TFR2: variants seen among roughly 807,000 people sequenced by gnomAD.
TFR2 encodes transferrin receptor protein 2.
A neutral mutation model predicts 91.9 loss-of-function variants in TFR2; 64 were observed. The ratio of observed to expected loss-of-function variants is 0.70; its 90% CI spans 0.57 to 0.86. The LOEUF (loss-of-function observed/expected upper bound fraction) is 0.86. Among genes scored for constraint, TFR2 ranks in the 40% least tolerant of loss-of-function variants. The pLI is 0.00. For missense variants in TFR2, 950 were observed against 1,080.5 expected (o/e 0.88, Z 1.69); for synonymous variants, 454 against 459.6 (o/e 0.99, Z 0.15).
chr7:100,631,644 GTC>G (rs745449953), intron 8 of TFR2, 160 bp downstream of exon 8: 2 of 935,674 alleles, frequency 2.1e-6, no homozygotes, highest in Admixed American at 3.1e-5. Flanking sequence ...AAAGGTCAGG[GTC>G]TCTCTGTCTC....
At chr7:100,639,629 T>G (rs1803651027) in intron 3 of TFR2, among the ~76,000 whole-genome samples, 1 of 150,854 alleles carries the variant, frequency 6.6e-6, no homozygotes, top group Non-Finnish European at 1.5e-5. Context: ...AGAATCTCCA[T>G]CTCCTACTAT....
chr7:100,635,945 T>C (rs760480252), intron 3 of TFR2, among the ~76,000 whole-genome samples: 21 of 152,120 alleles, frequency 1.4e-4, no homozygotes, highest in Non-Finnish European at 2.8e-4. Flanking sequence ...GTCATAATTA[T>C]GTAGTCGTGA....
At chr7:100,639,599 A>C (rs1010598432) in intron 3 of TFR2, among the ~76,000 whole-genome samples, 3 of 151,740 alleles carry the variant, frequency 2.0e-5, no homozygotes, top group East Asian at 1.9e-4. Flanking sequence ...AAAACGTAGA[A>C]GGTATAAGCA....
chr7:100,621,245 T>C (rs1803103187), intron 17 of TFR2, 119 bp from the exon 18 acceptor site: 1 of 1,283,352 alleles, frequency 7.8e-7, no homozygotes, highest in Admixed American at 3.0e-5. Flanking sequence ...TCTTTTTGTG[T>C]TTGTTTTTTG....
chr7:100,627,325 C>T lies in TFR2; in HGVS notation c.1934G>A (p.Arg645His), dbSNP rs572997617. The change falls in exon 16 of 18, where the codon CGC becomes CAC. Residue 645 changes from arginine to histidine, a missense_variant. Transcript: ENST00000223051. Reference protein sequence around the residue: ...HDRLLPLDFGRYGDVVLRHIG... With the variant: ...HDRLLPLDFGHYGDVVLRHIG... ...GTGCCTGAGGACGACGTCCCCGTAG[C>T]GGCCGAAGTCGAGGGGCAGCAGGCG... 10 of 1,550,348 alleles carry T rather than the reference C, an allele frequency of 6.5e-6. No homozygotes were observed. The highest frequency in any genetic ancestry group is 2.0e-5 in the Admixed American group (1 of 51,004).
intron 3 of TFR2, among the ~76,000 whole-genome samples, chr7:100,634,877 A>G (rs943911034): frequency 3.3e-5 from 5 of 152,186 alleles, no homozygotes; most frequent in Non-Finnish European, 7.3e-5. Flanking sequence ...CTGAACTGCA[A>G]TCTAAATCAG....
chr7:100,641,533 G>T lies in TFR2; in HGVS notation c.-24C>A. 1 of 1,613,404 alleles carries T rather than the reference G, an allele frequency of 6.2e-7. No homozygotes were observed. The highest frequency in any genetic ancestry group is 8.5e-7 in the Non-Finnish European group (1 of 1,179,708). On this transcript the variant is annotated 5_prime_UTR_variant, in exon 1 of 18. Transcript: ENST00000223051. ...ATGCTTGTGTCCCCTCCTGAAGCCTGCAGGCTGTCCCCCAGCGATAAACCG... is the reference window on the plus strand; with the variant it reads ...ATGCTTGTGTCCCCTCCTGAAGCCTTCAGGCTGTCCCCCAGCGATAAACCG...
chr7:100,628,168 C>T (rs772672626), intron 11 of TFR2, 32 bp from the exon 12 acceptor site: 1 of 1,613,484 alleles, frequency 6.2e-7, no homozygotes, highest in South Asian at 1.1e-5. Flanking sequence ...GGAGTGGGAA[C>T]CCCCCACCCC....
At chr7:100,640,336 C>T (rs1562844874) in intron 3 of TFR2, 1 of 282,434 alleles carries the variant, frequency 3.5e-6, no homozygotes, top group Non-Finnish European at 6.7e-6. Context: ...TGCGGCTTCT[C>T]AGAACCCCTC....
At chr7:100,621,614 A>C (rs1047761092) in intron 17 of TFR2, among the ~76,000 whole-genome samples, 1 of 151,888 alleles carries the variant, frequency 6.6e-6, no homozygotes, top group Non-Finnish European at 1.5e-5. Flanking sequence ...TTCCTTCCTC[A>C]CCCATTCAGT....
chr7:100,628,123 A>C lies in TFR2; in HGVS notation c.1487T>G (p.Val496Gly). The change falls in exon 12 of 18, where the codon GTG becomes GGG. Residue 496 changes from valine to glycine, a missense_variant. Transcript: ENST00000223051. ...GTACACTACGGCTTTGAGGTGCAGC[A>C]CGCTGAGGTAGCCCTGTGGGTGGGT... is the stretch of plus-strand genomic sequence containing the variant. ...STEWLEGYLS[V>G]LHLKAVVYVS... is the part of the protein sequence containing the mutation. The C allele has an allele frequency of 6.2e-7, 1 of 1,614,082 alleles. No homozygotes were observed. Among genetic ancestry groups the C allele is most frequent in the Non-Finnish European group, 8.5e-7 (1 of 1,179,982 alleles).
chr7:100,633,250 G>A lies in TFR2; in HGVS notation c.705C>T (p.Tyr235=), dbSNP rs773981603. ...PLEDPDVYCP[Y]SAIGNVTGEL... ...TCACCGTGACGTTGCCGATGGCGCT[G>A]TAGGGGCAGTAGACGTCAGGGTCCT... The change falls in exon 5 of 18, where the codon TAC becomes TAT. Residue 235 remains tyrosine (Y), a synonymous_variant. Transcript: ENST00000223051. The A allele has an allele frequency of 1.9e-6, 3 of 1,613,738 alleles. No individual in the cohort carries two copies. Among genetic ancestry groups the A allele is most frequent in the African/African-American group, 1.3e-5 (1 of 74,924 alleles).
At chr7:100,626,527 G>T (rs1252414505) in intron 17 of TFR2, 2 of 1,374,486 alleles carry the variant, frequency 1.5e-6, no homozygotes, top group East Asian at 5.6e-5. Context: ...TAAACCAGGC[G>T]ACTGTGGCCA....
At position 100,628,264 on chromosome 7, in the gene TFR2, C is replaced by T; in HGVS notation, c.1433G>A (p.Gly478Asp). Reference protein sequence around the residue: ...RRSLLFISWDGGDFGSVGSTE... With the variant: ...RRSLLFISWDDGDFGSVGSTE... ...GGAGCCCACGCTTCCAAAGTCACCACCGTCCCAGCTGATGAAGAGGAGACT... is the reference window on the plus strand; with the variant it reads ...GGAGCCCACGCTTCCAAAGTCACCATCGTCCCAGCTGATGAAGAGGAGACT... Residue 478 changes from glycine to aspartate, a missense_variant, in exon 11 of 18, where the codon GGT becomes GAT. Coordinates refer to ENST00000223051, the MANE Select transcript of TFR2 (RefSeq NM_003227.4). 1 of 1,613,964 alleles carries T rather than the reference C, an allele frequency of 6.2e-7. No individual in the cohort carries two copies. The highest frequency in any genetic ancestry group is 8.5e-7 in the Non-Finnish European group (1 of 1,179,962).
chr7:100,637,908 C>T (rs1296639292), intron 3 of TFR2, among the ~76,000 whole-genome samples: 4 of 151,682 alleles, frequency 2.6e-5, no homozygotes, highest in African/African-American at 7.3e-5. Flanking sequence ...GTTGACTCAC[C>T]GCAACCTCCG....
intron 17 of TFR2, 160 bp downstream of exon 17, chr7:100,626,603 A>G (rs1421267641): frequency 7.6e-6 from 11 of 1,450,626 alleles, no homozygotes; most frequent in Non-Finnish European, 1.0e-5. Flanking sequence ...TGACCGATCT[A>G]TGAGCACTGC....
At position 100,626,844 on chromosome 7, in the gene TFR2, C is replaced by T. The variant is rs2131311087; in HGVS notation, c.2055G>A (p.Ala685=). ...TGTAGATCTCCTGCCGCAGCTTTTCCGCCGCCCGGATGTAGTCCCCCCGCG... is the reference window on the plus strand; with the variant it reads ...TGTAGATCTCCTGCCGCAGCTTTTCTGCCGCCCGGATGTAGTCCCCCCGCG... ...YSARGDYIRA[A]EKLRQEIYSS... The change falls in exon 17 of 18, where the codon GCG becomes GCA. Residue 685 remains alanine, a synonymous_variant. Transcript: ENST00000223051. 1 of 1,549,460 alleles carries T rather than the reference C, an allele frequency of 6.5e-7. No individual in the cohort carries two copies. The highest frequency in any genetic ancestry group is 8.7e-7 in the Non-Finnish European group (1 of 1,147,088).
At chr7:100,638,459 T>A (rs1803621863) in intron 3 of TFR2, among the ~76,000 whole-genome samples, 1 of 149,942 alleles carries the variant, frequency 6.7e-6, no homozygotes, top group Admixed American at 6.7e-5. Context: ...TAAAAAAAAT[T>A]AAAAATTAGG....
intron 9 of TFR2, 114 bp downstream of exon 9, chr7:100,630,775 A>C: frequency 1.4e-6 from 2 of 1,466,400 alleles, no homozygotes; most frequent in Non-Finnish European, 1.9e-6. Context: ...TCTGGGCACC[A>C]CTCCTGTCCC....
Sources: gnomAD v4.1 joint callset for allele counts (sites outside exome capture counted in the v4.1 genomes callset) on GRCh38, gnomAD v4.1.1 for gene constraint, MANE v1.5 for transcripts, NCBI Gene and HGNC (gene_info 2026-07-23, HGNC 2026-07-21) for gene names.